The following EFCAB5 variants were observed in gnomAD, a reference collection of about 807,000 sequenced individuals.
EFCAB5 encodes the protein EF-hand calcium binding domain 5.
A neutral mutation model predicts 167.9 loss-of-function variants in EFCAB5; 131 were observed. The observed-to-expected ratio is 0.78, with a 90% CI of 0.68 to 0.90. EFCAB5 has a LOEUF of 0.90. Among genes scored for constraint, EFCAB5 ranks in the 40% least tolerant of loss-of-function variants. The probability of loss-of-function intolerance (pLI) is 0.00; values close to 1 mark genes in which losing one functional copy is unlikely to be tolerated. For synonymous variants in EFCAB5, 574 were observed against 602.8 expected, an observed-to-expected ratio of 0.95 and a Z score of 0.70; for missense variants, 1,663 against 1,745.2, an observed-to-expected ratio of 0.95 and a Z score of 0.84.
intron 4 of EFCAB5, among the ~76,000 whole-genome samples, chr17:29,981,050 C>G (rs1194075818): frequency 6.6e-6 from 1 of 152,188 alleles, no homozygotes; most frequent in Non-Finnish European, 1.5e-5. Flanking sequence ...CTTGCCTCCA[C>G]TATTGCAATA....
chr17:29,989,089 T>C (rs2068354126), intron 4 of EFCAB5, among the ~76,000 whole-genome samples: 1 of 152,226 alleles, frequency 6.6e-6, no homozygotes, highest in Non-Finnish European at 1.5e-5. Flanking sequence ...TCGTATCCAA[T>C]TAATGTCCCC....
intron 20 of EFCAB5, 90 bp from the exon 21 acceptor site, chr17:30,091,781 T>C: frequency 7.1e-7 from 1 of 1,404,122 alleles, no homozygotes; most frequent in Non-Finnish European, 9.6e-7. Flanking sequence ...AAACATTTAC[T>C]ATAATATGTT....
chr17:29,958,620 C>A (rs933785757), intron 3 of EFCAB5, among the ~76,000 whole-genome samples: 1 of 152,190 alleles, frequency 6.6e-6, no homozygotes, highest in Non-Finnish European at 1.5e-5. Context: ...TCAGATATCT[C>A]TGTGACTCTG....
At chr17:30,056,594 A>G (rs971997978) in intron 12 of EFCAB5, among the ~76,000 whole-genome samples, 6 of 152,234 alleles carry the variant, frequency 3.9e-5, no homozygotes, top group African/African-American at 7.2e-5. Flanking sequence ...GCAAAGAAAG[A>G]TCTACTCAAC....
chr17:29,977,604 A>C lies in EFCAB5; in HGVS notation c.767+8237A>C, dbSNP rs184223469. On this transcript the variant is annotated intron_variant, in intron 4 of 22. Transcript: ENST00000394835. ...ATATTCACTATGGGGTCTGTGTTGC[A>C]GTTTGAGATATCTTTTGGGCATTTT... 5.3e-4 allele frequency among the ~76,000 whole-genome samples: 80 copies of C among 152,294 alleles called. 1 individual carries two copies. Among genetic ancestry groups the C allele is most frequent in the Admixed American group, 5.2e-3 (80 of 15,294 alleles).
chr17:30,019,288 TTTAA>T (rs1015173392), intron 7 of EFCAB5, among the ~76,000 whole-genome samples: 2 of 151,810 alleles, frequency 1.3e-5, no homozygotes, highest in African/African-American at 2.4e-5. Flanking sequence ...CTATGCTTAA[TTTAA>T]TTGAGTGTTT....
chr17:29,980,095 G>C (rs1397090409), intron 4 of EFCAB5, among the ~76,000 whole-genome samples: 1 of 152,148 alleles, frequency 6.6e-6, no homozygotes, highest in Non-Finnish European at 1.5e-5. Flanking sequence ...CTTGACCCCG[G>C]GAGGCGGAGG....
rs151086784 is a variant in EFCAB5 at position 30,103,830 on chromosome 17, C to T, written c.4322-4004C>T. ...AGGAGTTCAAGACCAGCCTGGCCAA[C>T]GTGGTGAAACCCCATCTCTACTAAT... On this transcript the variant is annotated intron_variant, in intron 22 of 22. Coordinates refer to ENST00000394835, the MANE Select transcript of EFCAB5 (RefSeq NM_198529.4). Among the ~76,000 whole-genome samples, 633 of 152,254 alleles carry T rather than the reference C, an allele frequency of 4.2e-3. 5 individuals are homozygous for T. Among genetic ancestry groups the T allele is most frequent in the African/African-American group, 0.014 (600 of 41,532 alleles).
intron 21 of EFCAB5, 85 bp downstream of exon 21, chr17:30,092,242 T>C (rs2071214266): frequency 7.2e-7 from 1 of 1,389,358 alleles, no homozygotes; most frequent in South Asian, 1.4e-5. Context: ...GCATAAATCA[T>C]AAGGGTACAA....
At chr17:29,988,317 A>G (rs2068334016) in intron 4 of EFCAB5, among the ~76,000 whole-genome samples, 1 of 152,190 alleles carries the variant, frequency 6.6e-6, no homozygotes. Context: ...TGAAATCATA[A>G]CTGAGCATTT....
At chr17:30,080,536 C>T (rs927910799) in intron 16 of EFCAB5, among the ~76,000 whole-genome samples, 1 of 146,678 alleles carries the variant, frequency 6.8e-6, no homozygotes. Flanking sequence ...TTTTCTATGT[C>T]CACATCCAAG....
rs751563820 is a variant in EFCAB5 at position 30,080,277 on chromosome 17, T to TA, written c.3197+43dup. 3.0e-5 allele frequency: 44 copies of TA among 1,491,482 alleles called. No individual in the cohort carries two copies. In the Middle Eastern group the frequency reaches 8.9e-4, roughly 30 times the overall value. The allele number at this position is 1,491,482 out of a possible 1,614,324, so 92.4% of individuals were successfully genotyped here. A position where few individuals can be genotyped will look rare whatever the true frequency, so the allele number is the denominator to read the frequency against. On this transcript the variant is annotated intron_variant, in intron 16 of 22. Transcript: ENST00000394835. ...CTTGAAGAGATTGGTTTCACCCTCC[T>TA]AAAAAAATAATTCCCTTTCTGAGTA... is the stretch of plus-strand genomic sequence containing the variant.
Position 29,996,528 on chromosome 17 carries a change from C to T in EFCAB5, c.973+168C>T, listed in dbSNP as rs79557678. 5.4e-3 allele frequency among the ~76,000 whole-genome samples: 820 copies of T among 152,266 alleles called. 7 individuals carry two copies. Among genetic ancestry groups the T allele is most frequent in the African/African-American group, 0.019 (774 of 41,540 alleles). ...TACAGAATGTATACAAGCAGAAAAG[C>T]AATCTGTGATTCTCAATCCTTTTAG... On this transcript the variant is annotated intron_variant, in intron 6 of 22. Transcript: ENST00000394835.
rs573134282 is a variant in EFCAB5, at chr17:30,107,697, C to T, written c.4322-137C>T. On this transcript the variant is annotated intron_variant, in intron 22 of 22. Coordinates refer to ENST00000394835, the MANE Select transcript of EFCAB5 (RefSeq NM_198529.4). ...AAATTTATCCATATTCCTGTAATTA[C>T]ATATTTACACAAGATTCTGCTTGGT... 7.3e-6 allele frequency: 5 copies of T among 686,236 alleles called. No homozygotes were observed. In the South Asian group the frequency reaches 1.8e-4, roughly 25 times the overall value. The allele number at this position is 686,236 out of a possible 1,614,324, so 42.5% of individuals were successfully genotyped here. A position where few individuals can be genotyped will look rare whatever the true frequency, so the allele number is the denominator to read the frequency against.
At chr17:30,057,960 C>T in intron 13 of EFCAB5, 70 bp downstream of exon 13, 1 of 1,397,698 alleles carries the variant, frequency 7.2e-7, no homozygotes, top group Non-Finnish European at 9.8e-7. Context: ...ACCTCAGTTG[C>T]TCCCGATGTG....
intron 7 of EFCAB5, among the ~76,000 whole-genome samples, chr17:30,006,587 C>T (rs1159875953): frequency 6.6e-6 from 1 of 152,170 alleles, no homozygotes; most frequent in Admixed American, 6.5e-5. Context: ...TTCTACATTA[C>T]TATTTTCTTC....
chr17:29,967,888 CTTT>C (rs35474839), intron 3 of EFCAB5, among the ~76,000 whole-genome samples: 5 of 134,834 alleles, frequency 3.7e-5, no homozygotes, highest in Admixed American at 7.5e-5. Context: ...ATTTCCTCAC[CTTT>C]TTTTTTTTTT....
intron 4 of EFCAB5, among the ~76,000 whole-genome samples, chr17:29,983,114 A>T (rs1246138440): frequency 6.6e-6 from 1 of 152,222 alleles, no homozygotes; most frequent in African/African-American, 2.4e-5. Flanking sequence ...TCTCTGTTCC[A>T]CATGGTATCA....
chr17:30,053,146 C>T lies in EFCAB5; in HGVS notation c.1301-109C>T, dbSNP rs897329331. On this transcript the variant is annotated intron_variant, in intron 9 of 22. Coordinates refer to ENST00000394835, the MANE Select transcript of EFCAB5 (RefSeq NM_198529.4). Reference sequence around the variant, plus strand: ...ACTGATATTTATTTAGAGCAATAGGCCTATATTACAATTTCTGTGCTCAAT... The same window carrying T: ...ACTGATATTTATTTAGAGCAATAGGTCTATATTACAATTTCTGTGCTCAAT... 13 of 1,237,470 alleles carry T rather than the reference C, an allele frequency of 1.1e-5. No homozygotes were observed. The Admixed American group carries it at 2.8e-4, about 27-fold the overall frequency. 76.7% of individuals were successfully genotyped at this position (1,237,470 alleles called of 1,614,324 possible).
Sources: gnomAD v4.1 joint callset for allele counts (sites outside exome capture counted in the v4.1 genomes callset) on GRCh38, gnomAD v4.1.1 for gene constraint, MANE v1.5 for transcripts, NCBI Gene and HGNC (gene_info 2026-07-23, HGNC 2026-07-21) for gene names.